Variants in CNNM2 observed in about 807,000 individuals in gnomAD.
The protein encoded by CNNM2 is cyclin and CBS domain divalent metal cation transport mediator 2.
In CNNM2, 12 loss-of-function variants were observed where a neutral mutation model predicts 66.9. The ratio of observed to expected loss-of-function variants is 0.18; its 90% CI spans 0.11 to 0.29. CNNM2 has a LOEUF of 0.29. CNNM2 is among the 10% of genes least tolerant of loss of function. The pLI is 1.00. For synonymous variants in CNNM2, 557 were observed against 501.8 expected, an observed-to-expected ratio of 1.11 and a Z score of -1.47; for missense variants, 705 against 1,167.7, an observed-to-expected ratio of 0.60 and a Z score of 5.77.
chr10:103,023,115 A>G (rs540833971), intron 1 of CNNM2, among the ~76,000 whole-genome samples: 7 of 152,054 alleles, frequency 4.6e-5, no homozygotes, highest in Non-Finnish European at 1.0e-4. Flanking sequence ...ATGTTGCCCA[A>G]ACTGGTCTTG....
At chr10:102,974,486 G>C (rs147500675) in intron 1 of CNNM2, among the ~76,000 whole-genome samples, 104 of 152,274 alleles carry the variant, frequency 6.8e-4, no homozygotes, top group African/African-American at 2.2e-3. Flanking sequence ...TGAGTCCGTA[G>C]TGAGATGTGG....
chr10:103,026,623 A>G (rs2064710195), intron 1 of CNNM2, among the ~76,000 whole-genome samples: 1 of 151,478 alleles, frequency 6.6e-6, no homozygotes, highest in East Asian at 2.0e-4. Flanking sequence ...AAAAAAAAAA[A>G]AAGGTTTGGA....
chr10:103,077,062 TGACTCTTACG>T lies in CNNM2; in HGVS notation c.2513_2522del (p.Thr838SerfsTer20). ...GACAGTGAAAACACTAAAATCGAAT[TGACTCTTACG>T]GAGCTGCATGACGGGTTGCCAGACG... On this transcript the variant is annotated frameshift_variant, in exon 8 of 8. Transcript: ENST00000369878. LOFTEE classifies it high-confidence loss of function. 1 of 1,613,952 alleles carries T rather than the reference TGACTCTTACG, an allele frequency of 6.2e-7. No individual in the cohort carries two copies. The highest frequency in any genetic ancestry group is 8.5e-7 in the Non-Finnish European group (1 of 1,179,884).
At chr10:102,966,162 G>A (rs2063460765) in intron 1 of CNNM2, among the ~76,000 whole-genome samples, 1 of 152,156 alleles carries the variant, frequency 6.6e-6, no homozygotes, top group Admixed American at 6.5e-5. Context: ...TTCTGTACTT[G>A]TATGATTAAA....
intron 1 of CNNM2, among the ~76,000 whole-genome samples, chr10:102,963,042 A>T (rs1250542505): frequency 1.3e-5 from 2 of 152,132 alleles, no homozygotes; most frequent in Non-Finnish European, 2.9e-5. Context: ...TCACATTTAG[A>T]TGGGCAAAAT....
At position 102,986,261 on chromosome 10, in the gene CNNM2, A is replaced by G. The variant is rs187669704; in HGVS notation, c.1622-63446A>G. Among the ~76,000 whole-genome samples the G allele has an allele frequency of 1.2e-4, 19 of 152,078 alleles. No homozygotes were observed. In the East Asian group the frequency reaches 2.9e-3, roughly 23 times the overall value. ...ATTGTGTGATCTTGTCCTTACTTCT[A>G]TCTTATTTTTTTGAGGCGGTCTCAC... On this transcript the variant is annotated intron_variant, in intron 1 of 7. Coordinates refer to ENST00000369878, the MANE Select transcript of CNNM2 (RefSeq NM_017649.5).
chr10:103,001,552 AT>A (rs1466523399), intron 1 of CNNM2, among the ~76,000 whole-genome samples: 1 of 152,172 alleles, frequency 6.6e-6, no homozygotes, highest in African/African-American at 2.4e-5. Context: ...AAAAGAGCTT[AT>A]CTATTTGTAG....
intron 1 of CNNM2, among the ~76,000 whole-genome samples, chr10:103,005,671 G>T (rs777350786): frequency 6.6e-6 from 1 of 152,092 alleles, no homozygotes; most frequent in African/African-American, 2.4e-5. Flanking sequence ...ATTGATTTTT[G>T]TATGTTAACC....
At chr10:102,981,397 TA>T (rs1255211742) in intron 1 of CNNM2, among the ~76,000 whole-genome samples, 2 of 151,874 alleles carry the variant, frequency 1.3e-5, no homozygotes, top group African/African-American at 4.8e-5. Flanking sequence ...TTTCCTATAT[TA>T]AATTTTTTAC....
At chr10:103,066,007 C>T (rs2065470771) in intron 4 of CNNM2, among the ~76,000 whole-genome samples, 1 of 152,148 alleles carries the variant, frequency 6.6e-6, no homozygotes. Context: ...CTGCCGGGGC[C>T]ACTGTCCTCC....
chr10:102,939,957 G>A (rs953210005), intron 1 of CNNM2, among the ~76,000 whole-genome samples: 10 of 151,052 alleles, frequency 6.6e-5, no homozygotes, highest in African/African-American at 2.4e-4. Flanking sequence ...GACAGGGTGA[G>A]TCTCCATCTC....
In CNNM2 at chr10:102,919,960, C is replaced by T; in HGVS notation, c.1480C>T (p.Leu494=). 4 of 1,614,258 alleles carry T rather than the reference C, an allele frequency of 2.5e-6. No homozygotes were observed. Among genetic ancestry groups the T allele is most frequent in the Non-Finnish European group, 3.4e-6 (4 of 1,180,054 alleles). The change falls in exon 1 of 8, where the codon CTG becomes TTG. Residue 494 remains leucine, a synonymous_variant. Coordinates refer to ENST00000369878, the MANE Select transcript of CNNM2 (RefSeq NM_017649.5). ...FEGERSNIVD[L]LFVKDLAFVD... is the part of the protein sequence containing the mutation. Reference sequence around the variant, plus strand: ...AGGGGAGCGCTCCAATATCGTGGACCTGCTGTTTGTCAAAGACTTGGCCTT... The same window carrying T: ...AGGGGAGCGCTCCAATATCGTGGACTTGCTGTTTGTCAAAGACTTGGCCTT...
intron 1 of CNNM2, among the ~76,000 whole-genome samples, chr10:102,980,415 G>C (rs557208943): frequency 6.6e-6 from 1 of 150,726 alleles, no homozygotes; most frequent in Non-Finnish European, 1.5e-5. Flanking sequence ...GACTACAGGC[G>C]CATACCACTA....
rs1294418539 is a variant in CNNM2 at position 103,087,533 on chromosome 10, A to AAATT, written c.*10356_*10359dup. 6.6e-6 allele frequency: 1 copy of AAATT among 152,228 alleles called. No homozygotes were observed. Among genetic ancestry groups the AAATT allele is most frequent in the Non-Finnish European group, 1.5e-5 (1 of 68,028 alleles). The allele number at this position is 152,228 out of a possible 1,614,324, so 9.4% of individuals were successfully genotyped here. A position where few individuals can be genotyped will look rare whatever the true frequency, so the allele number is the denominator to read the frequency against. On this transcript the variant is annotated 3_prime_UTR_variant, in exon 8 of 8. Transcript: ENST00000369878. ...ATATGGATGCAATACAAAAAGTGGT[A>AAATT]AATTAAAGCAAAGCAATCATGTGGT...
chr10:103,000,958 G>C (rs1458459005), intron 1 of CNNM2, among the ~76,000 whole-genome samples: 5 of 152,120 alleles, frequency 3.3e-5, no homozygotes, highest in East Asian at 1.9e-4. Flanking sequence ...TGGATGAATG[G>C]GTAAGCAAAA....
chr10:103,050,516 AACAG>A (rs1380500371), intron 2 of CNNM2, among the ~76,000 whole-genome samples: 1 of 151,450 alleles, frequency 6.6e-6, no homozygotes, highest in Non-Finnish European at 1.5e-5. Context: ...CAGCCTGGTT[AACAG>A]AGTGAGAGTC....
At chr10:103,060,258 C>T (rs550268646) in intron 4 of CNNM2, among the ~76,000 whole-genome samples, 2 of 152,006 alleles carry the variant, frequency 1.3e-5, no homozygotes, top group South Asian at 2.1e-4. Flanking sequence ...AAATAAAATT[C>T]GAAATAAAAA....
chr10:103,069,819 A>G (rs1406605700), intron 5 of CNNM2, among the ~76,000 whole-genome samples: 2 of 152,238 alleles, frequency 1.3e-5, no homozygotes, highest in Non-Finnish European at 2.9e-5. Context: ...AAAAACACCA[A>G]ATGATGTGCG....
At chr10:102,927,344 G>C in intron 1 of CNNM2, 2 of 1,613,674 alleles carry the variant, frequency 1.2e-6, no homozygotes, top group Non-Finnish European at 1.7e-6. Context: ...GTTTTTCTCA[G>C]AACACACAAA....
Sources: allele counts gnomAD v4.1 joint callset (sites outside exome capture counted in the v4.1 genomes callset), GRCh38; gene constraint gnomAD v4.1.1; transcripts MANE v1.5; gene names NCBI Gene and HGNC (gene_info 2026-07-23, HGNC 2026-07-21).